The following RFX2 variants were observed in gnomAD, a reference collection of about 807,000 sequenced individuals.
RFX2 encodes DNA-binding protein RFX2.
A neutral mutation model predicts 87.8 loss-of-function variants in RFX2; 20 were observed. The ratio of observed to expected loss-of-function variants is 0.23; its 90% CI spans 0.16 to 0.33. The LOEUF is 0.33. Ranked by LOEUF, RFX2 falls within the 10% of genes least tolerant of loss-of-function variation. The probability of loss-of-function intolerance (pLI) is 1.00; values close to 1 mark genes in which losing one functional copy is unlikely to be tolerated. For missense variants in RFX2, 767 were observed against 1,012.3 expected (o/e 0.76, Z 3.29); for synonymous variants, 397 against 431.3 (o/e 0.92, Z 0.98).
rs773786654 is a variant in RFX2 at position 6,023,882 on chromosome 19, C to T, written c.597+2281G>A. Among the ~76,000 whole-genome samples, 11 of 151,964 alleles carry T rather than the reference C, an allele frequency of 7.2e-5. No homozygotes were observed. The highest frequency in any genetic ancestry group is 1.2e-4 in the Non-Finnish European group (8 of 67,986). ...GCAACCTCCGTCTCCCAGGTTCAAG[C>T]GATTCTCCTGTCTCAGCCTCCAGAG... On this transcript the variant is annotated intron_variant, in intron 6 of 17. Transcript: ENST00000303657. The surrounding 1 kb of genome is among the most constrained non-coding windows in gnomAD (Gnocchi z 4.9).
At chr19:6,030,262 T>C (rs970520823) in intron 5 of RFX2, among the ~76,000 whole-genome samples, 1 of 152,170 alleles carries the variant, frequency 6.6e-6, no homozygotes, top group African/African-American at 2.4e-5. Flanking sequence ...AGGAGAGAAG[T>C]GGCGTCACAA....
At chr19:6,008,661 C>G (rs559538560) in intron 9 of RFX2, among the ~76,000 whole-genome samples, 2 of 149,244 alleles carry the variant, frequency 1.3e-5, no homozygotes, top group African/African-American at 5.0e-5. Flanking sequence ...AGGCGTGAGC[C>G]ACCATGCCCG....
chr19:6,109,015 T>A (rs2088265151), intron 1 of RFX2, among the ~76,000 whole-genome samples: 1 of 150,786 alleles, frequency 6.6e-6, no homozygotes, highest in South Asian at 2.1e-4. Context: ...TGTGAGTGAG[T>A]GTGTGTGTGT....
rs548552978 is a variant in RFX2 at position 6,013,228 on chromosome 19, C to G, written c.780-123G>C. On this transcript the variant is annotated intron_variant, in intron 7 of 17. Coordinates refer to ENST00000303657, the MANE Select transcript of RFX2 (RefSeq NM_000635.4). This position sits in a 1 kb window ranked among gnomAD's most constrained non-coding sequence, Gnocchi z 4.1. ...TGAGACAGAATCTCATTCTGTCGCC[C>G]AGGCTGGAGTACAGCAGTGCCATCT... 4.8e-5 allele frequency: 50 copies of G among 1,035,722 alleles called. 1 individual carries two copies. In the South Asian group the frequency reaches 8.9e-4, roughly 19 times the overall value. 64.2% of individuals were successfully genotyped at this position (1,035,722 alleles called of 1,614,324 possible). A position where few individuals can be genotyped will look rare whatever the true frequency, so the allele number is the denominator to read the frequency against.
rs76146093 is a variant in RFX2, at chr19:6,040,124, C to T, written c.378G>A (p.Ala126=). The T allele has an allele frequency of 2.2e-5, 36 of 1,610,326 alleles. No homozygotes were observed. Among genetic ancestry groups the T allele is most frequent in the African/African-American group, 2.7e-5 (2 of 74,960 alleles). ...TGCCCACCATGCTGTGGGAGGGGAC[C>T]GCTGGCGGGGACGAGGCTGCCACGG... ...QVTVAASSPP[A]VPSHSMVGIT... Residue 126 remains alanine, a synonymous_variant, in exon 5 of 18, where the codon GCG becomes GCA. Transcript: ENST00000303657. This position sits in a 1 kb window ranked among gnomAD's most constrained non-coding sequence, Gnocchi z 6.1.
chr19:6,006,651 T>C lies in RFX2; in HGVS notation c.1402+361A>G, dbSNP rs554289424. Among the ~76,000 whole-genome samples, 14 of 152,086 alleles carry C rather than the reference T, an allele frequency of 9.2e-5. No homozygotes were observed. In the East Asian group the frequency reaches 1.2e-3, roughly 13 times the overall value. On this transcript the variant is annotated intron_variant, in intron 12 of 17. Transcript: ENST00000303657. ...TTTTTAGTAGAGATGGTTTTCAGCATGTTGGTCACACTGGTCTCAAACTCC... is the reference window on the plus strand; with the variant it reads ...TTTTTAGTAGAGATGGTTTTCAGCACGTTGGTCACACTGGTCTCAAACTCC...
In RFX2 at chr19:6,002,714, A is replaced by G; in HGVS notation, c.1650+7T>C. On this transcript the variant is annotated splice_region_variant and intron_variant, in intron 14 of 17. Coordinates refer to ENST00000303657, the MANE Select transcript of RFX2 (RefSeq NM_000635.4). The surrounding 1 kb of genome is among the most constrained non-coding windows in gnomAD (Gnocchi z 6.7). ...CCGGGCCCTGGGGACGGTGTGGAGG[A>G]AGTCACCTGCACGTTGGCAAAGTCC... The G allele has an allele frequency of 6.2e-7, 1 of 1,612,996 alleles. No homozygotes were observed. Among genetic ancestry groups the G allele is most frequent in the Non-Finnish European group, 8.5e-7 (1 of 1,179,780 alleles).
rs78984903 is a variant in RFX2 at position 6,010,561 on chromosome 19, T to C, written c.900-310A>G. On this transcript the variant is annotated intron_variant, in intron 8 of 17. Transcript: ENST00000303657. The surrounding 1 kb of genome is among the most constrained non-coding windows in gnomAD (Gnocchi z 5.0). ...CCCTGTCCCCAGCCCCTGGCACCCC[T>C]GATCTGACTTCCCGTCTCTGTGAAT... Among the ~76,000 whole-genome samples, 666 of 152,212 alleles carry C rather than the reference T, an allele frequency of 4.4e-3. 7 individuals carry two copies. The East Asian group carries it at 0.071, about 16-fold the overall frequency.
chr19:6,024,267 A>G lies in RFX2; in HGVS notation c.597+1896T>C, dbSNP rs1363180134. Among the ~76,000 whole-genome samples the G allele has an allele frequency of 1.3e-5, 2 of 152,066 alleles. No homozygotes were observed. Among genetic ancestry groups the G allele is most frequent in the Non-Finnish European group, 2.9e-5 (2 of 67,994 alleles). On this transcript the variant is annotated intron_variant, in intron 6 of 17. Transcript: ENST00000303657. The surrounding 1 kb of genome is among the most constrained non-coding windows in gnomAD (Gnocchi z 5.0). ...GGAATGGTATTCTGCACATTTTCCC[A>G]TGTATGTGCTCTGAGTTTAAGACTG...
intron 1 of RFX2, among the ~76,000 whole-genome samples, chr19:6,099,874 A>G (rs1185543376): frequency 6.6e-6 from 1 of 152,160 alleles, no homozygotes; most frequent in African/African-American, 2.4e-5. Context: ...GACATCTGGC[A>G]ATGTCTGGAA....
chr19:6,083,053 C>T lies in RFX2; in HGVS notation c.-9+27340G>A, dbSNP rs1024156612. 1.3e-4 allele frequency among the ~76,000 whole-genome samples: 20 copies of T among 152,114 alleles called. No individual in the cohort carries two copies. Among genetic ancestry groups the T allele is most frequent in the African/African-American group, 4.8e-4 (20 of 41,502 alleles). On this transcript the variant is annotated intron_variant, in intron 1 of 17. Coordinates refer to ENST00000303657, the MANE Select transcript of RFX2 (RefSeq NM_000635.4). The surrounding 1 kb of genome is among the most constrained non-coding windows in gnomAD (Gnocchi z 4.6). Reference sequence around the variant, plus strand: ...TCCCTGGGCTCAGGGAGTACGGGCACGTGCCACTACCCCCAGCTAATTTTT... The same window carrying T: ...TCCCTGGGCTCAGGGAGTACGGGCATGTGCCACTACCCCCAGCTAATTTTT...
At position 6,010,952 on chromosome 19, in the gene RFX2, AC is replaced by A. The variant is rs1034785566; in HGVS notation, c.900-702del. Among the ~76,000 whole-genome samples the A allele has an allele frequency of 4.0e-4, 61 of 152,040 alleles. No individual in the cohort carries two copies. Among genetic ancestry groups the A allele is most frequent in the Non-Finnish European group, 7.4e-4 (50 of 68,012 alleles). ...ACCAACATGGAGTAACCCCGTCTCT[AC>A]TAAAAATACAAAATTAGCTGGGCGT... On this transcript the variant is annotated intron_variant, in intron 8 of 17. Transcript: ENST00000303657. This position sits in a 1 kb window ranked among gnomAD's most constrained non-coding sequence, Gnocchi z 5.0.
At position 6,060,313 on chromosome 19, in the gene RFX2, A is replaced by G. The variant is rs184180253; in HGVS notation, c.-8-12809T>C. Reference sequence around the variant, plus strand: ...GAGGCGAGGAGCTGAGACAGACCCCAGCAGAAGCCTAAAATATGTACTCTC... The same window carrying G: ...GAGGCGAGGAGCTGAGACAGACCCCGGCAGAAGCCTAAAATATGTACTCTC... On this transcript the variant is annotated intron_variant, in intron 1 of 17. Coordinates refer to ENST00000303657, the MANE Select transcript of RFX2 (RefSeq NM_000635.4). Among the ~76,000 whole-genome samples, 75 of 152,292 alleles carry G rather than the reference A, an allele frequency of 4.9e-4. 1 individual carries two copies. In the East Asian group the frequency reaches 0.014, roughly 29 times the overall value.
chr19:6,044,187 C>T lies in RFX2; in HGVS notation c.180+6G>A, dbSNP rs184272355. 1.3e-4 allele frequency: 205 copies of T among 1,541,444 alleles called. No individual in the cohort carries two copies. The East Asian group carries it at 4.8e-3, about 36-fold the overall frequency. On this transcript the variant is annotated splice_donor_region_variant and intron_variant, in intron 3 of 17. Transcript: ENST00000303657. The surrounding 1 kb of genome is among the most constrained non-coding windows in gnomAD (Gnocchi z 5.3). Reference sequence around the variant, plus strand: ...GTTTGCACGGTGCTGCGGTGCTTGTCATTACCTGCTGGGGTACCTGCTGAA... The same window carrying T: ...GTTTGCACGGTGCTGCGGTGCTTGTTATTACCTGCTGGGGTACCTGCTGAA...
In RFX2 at chr19:6,002,170, GTCTC is replaced by G; in HGVS notation, c.1651-151_1651-148del. Reference sequence around the variant, plus strand: ...TTGACAGCTGCAAGCCAAGTCCTGTGTCTCCCGTCACAGGGGCAGAATAGAGAGC... The same window carrying G: ...TTGACAGCTGCAAGCCAAGTCCTGTGCCGTCACAGGGGCAGAATAGAGAGC... On this transcript the variant is annotated intron_variant, in intron 14 of 17. Coordinates refer to ENST00000303657, the MANE Select transcript of RFX2 (RefSeq NM_000635.4). This position sits in a 1 kb window ranked among gnomAD's most constrained non-coding sequence, Gnocchi z 6.7. 1.5e-6 allele frequency: 1 copy of G among 678,130 alleles called. No individual in the cohort carries two copies. The highest frequency in any genetic ancestry group is 2.4e-6 in the Non-Finnish European group (1 of 418,112). The allele number at this position is 678,130 out of a possible 1,614,324, so 42.0% of individuals were successfully genotyped here. A position where few individuals can be genotyped will look rare whatever the true frequency, so the allele number is the denominator to read the frequency against.
rs759313795 is a variant in RFX2 at position 6,074,493 on chromosome 19, G to A, written c.-8-26989C>T. 1.1e-4 allele frequency among the ~76,000 whole-genome samples: 16 copies of A among 152,188 alleles called. No homozygotes were observed. The highest frequency in any genetic ancestry group is 1.9e-4 in the Non-Finnish European group (13 of 68,038). On this transcript the variant is annotated intron_variant, in intron 1 of 17. Transcript: ENST00000303657. This position sits in a 1 kb window ranked among gnomAD's most constrained non-coding sequence, Gnocchi z 5.2. ...CTCAGAGCCTGGACACTCAGCCATC[G>A]TTCATTCATTCAACAAACACAGTCT...
chr19:6,009,836 G>T (rs1160357683), intron 9 of RFX2, among the ~76,000 whole-genome samples: 1 of 152,202 alleles, frequency 6.6e-6, no homozygotes, highest in Non-Finnish European at 1.5e-5. Context: ...AAGGTGTTGG[G>T]ATCACGGGCA....
intron 1 of RFX2, among the ~76,000 whole-genome samples, chr19:6,081,816 G>A (rs987409450): frequency 4.6e-5 from 7 of 152,178 alleles, no homozygotes; most frequent in Non-Finnish European, 7.3e-5. Context: ...GGCCGGGCGC[G>A]TTGGCTCACG....
At chr19:6,003,296 A>G (rs1410922024) in intron 13 of RFX2, among the ~76,000 whole-genome samples, 1 of 152,030 alleles carries the variant, frequency 6.6e-6, no homozygotes, top group Non-Finnish European at 1.5e-5. Flanking sequence ...AACTCGTGGC[A>G]TCAAATGATC....
Sources: allele counts gnomAD v4.1 joint callset (sites outside exome capture counted in the v4.1 genomes callset), GRCh38; gene constraint gnomAD v4.1.1; non-coding constraint Gnocchi (gnomAD v3.1); transcripts MANE v1.5; gene names NCBI Gene and HGNC (gene_info 2026-07-23, HGNC 2026-07-21).